CAMKK1: variants seen among roughly 807,000 people sequenced by gnomAD.
CAMKK1 encodes the protein calcium/calmodulin-dependent protein kinase kinase 1.
In CAMKK1, 20 loss-of-function variants were observed where a neutral mutation model predicts 63.5. The ratio of observed to expected loss-of-function variants is 0.32; its 90% confidence interval spans 0.22 to 0.46. The LOEUF is 0.46. Among genes scored for constraint, CAMKK1 ranks in the 20% least tolerant of loss-of-function variants. The pLI, the probability that CAMKK1 is intolerant of heterozygous loss-of-function variation, is 1.00. For missense variants in CAMKK1, 588 were observed against 658.1 expected, an observed-to-expected ratio of 0.89 and a Z score of 1.17; for synonymous variants, 253 against 269.0, an observed-to-expected ratio of 0.94 and a Z score of 0.58.
chr17:3,882,714 C>A lies in CAMKK1; in HGVS notation c.649-150G>T. The A allele has an allele frequency of 1.4e-5, 11 of 781,532 alleles. No individual in the cohort carries two copies. The highest frequency in any genetic ancestry group is 2.5e-5 in the Admixed American group (1 of 39,478). The allele number at this position is 781,532 out of a possible 1,614,324, so 48.4% of individuals were successfully genotyped here. A position where few individuals can be genotyped will look rare whatever the true frequency, so the allele number is the denominator to read the frequency against. On this transcript the variant is annotated intron_variant, in intron 6 of 15. Transcript: ENST00000348335. The surrounding 1 kb of genome is among the most constrained non-coding windows in gnomAD (Gnocchi z 4.3). ...CAGGAAGTGTACAGGTGGTGCCAGACTGATGGGGCCTCAGAAGTCACCGAC... is the reference window on the plus strand; with the variant it reads ...CAGGAAGTGTACAGGTGGTGCCAGAATGATGGGGCCTCAGAAGTCACCGAC...
In CAMKK1 at chr17:3,870,052, G is replaced by T. The variant is rs7216397; in HGVS notation, c.1125-164C>A. The stretch of plus-strand genomic sequence containing the variant: ...CTTGGAGAGCCTTTCCTGAGCAGGA[G>T]GTCAAGTCTCCCTCCAGGACAGAGG... On this transcript the variant is annotated intron_variant, in intron 12 of 15. Transcript: ENST00000348335. Among the ~76,000 whole-genome samples the T allele has an allele frequency of 5.0e-3, 762 of 152,318 alleles. 8 individuals carry two copies. The highest frequency in any genetic ancestry group is 0.017 in the African/African-American group (708 of 41,576).
chr17:3,869,674 T>C, intron 13 of CAMKK1, 59 bp from the exon 14 acceptor site: 1 of 1,612,730 alleles, frequency 6.2e-7, no homozygotes, highest in South Asian at 1.1e-5. Context: ...CAGAATCACC[T>C]GGAGGGGTCC....
At chr17:3,881,669 G>A in intron 7 of CAMKK1, 21 bp from the exon 8 acceptor site, 2 of 1,562,518 alleles carry the variant, frequency 1.3e-6, no homozygotes, top group East Asian at 2.4e-5. Flanking sequence ...AGACAAGAAG[G>A]TAAGGTGTAG....
At chr17:3,865,783 G>A (rs1258819900) in intron 15 of CAMKK1, 125 bp downstream of exon 15, 19 of 1,498,356 alleles carry the variant, frequency 1.3e-5, no homozygotes, top group Non-Finnish European at 1.4e-5. Flanking sequence ...GGCCAACACC[G>A]AGACCTGGCC....
chr17:3,881,830 A>C, intron 7 of CAMKK1, 182 bp from the exon 8 acceptor site: 1 of 619,126 alleles, frequency 1.6e-6, no homozygotes, highest in Non-Finnish European at 2.9e-6. Context: ...TCTGCTATGG[A>C]CCTGTCTCAT....
rs1289074652 is a variant in CAMKK1, at chr17:3,890,529, C to G, written c.-44+2410G>C. ...CAGATCCAACAGGCCCCAGATTCAA[C>G]TCAGCATCTTCCCCAAACCTGCTCG... On this transcript the variant is annotated intron_variant, in intron 1 of 15. Transcript: ENST00000348335. The surrounding 1 kb of genome is among the most constrained non-coding windows in gnomAD (Gnocchi z 6.5). Among the ~76,000 whole-genome samples, 1 of 152,168 alleles carries G rather than the reference C, an allele frequency of 6.6e-6. No individual in the cohort carries two copies. Among genetic ancestry groups the G allele is most frequent in the Non-Finnish European group, 1.5e-5 (1 of 68,032 alleles).
intron 10 of CAMKK1, 24 bp from the exon 11 acceptor site, chr17:3,873,486 A>G (rs1307583861): frequency 6.2e-7 from 1 of 1,613,396 alleles, no homozygotes; most frequent in African/African-American, 1.3e-5. Flanking sequence ...TGCTCACATC[A>G]GTCCCCAACA....
At chr17:3,871,566 C>A (rs1322019969) in intron 12 of CAMKK1, among the ~76,000 whole-genome samples, 2 of 149,664 alleles carry the variant, frequency 1.3e-5, no homozygotes, top group East Asian at 1.9e-4. Context: ...CCGTGTTAGC[C>A]AGGATGGTCT....
chr17:3,883,571 A>T lies in CAMKK1; in HGVS notation c.463-91T>A. On this transcript the variant is annotated intron_variant, in intron 4 of 15. Coordinates refer to ENST00000348335, the MANE Select transcript of CAMKK1 (RefSeq NM_032294.3). The surrounding 1 kb of genome is among the most constrained non-coding windows in gnomAD (Gnocchi z 4.7). ...TGTGGACTGAGGTCCGGAGAGGCAC[A>T]CTGGACATCTGCTACTGGCCCTGAG... 2 of 1,039,252 alleles carry T rather than the reference A, an allele frequency of 1.9e-6. No individual in the cohort carries two copies. Among genetic ancestry groups the T allele is most frequent in the Non-Finnish European group, 3.0e-6 (2 of 656,740 alleles). 64.4% of individuals were successfully genotyped at this position (1,039,252 alleles called of 1,614,324 possible).
intron 10 of CAMKK1, 33 bp from the exon 11 acceptor site, chr17:3,873,495 C>T (rs528392043): frequency 1.2e-6 from 2 of 1,611,580 alleles, no homozygotes; most frequent in African/African-American, 2.7e-5. Flanking sequence ...CAGTCCCCAA[C>T]AGGCACAGCC....
At chr17:3,871,406 G>C (rs1356980264) in intron 12 of CAMKK1, among the ~76,000 whole-genome samples, 1 of 134,214 alleles carries the variant, frequency 7.5e-6, no homozygotes, top group Admixed American at 8.2e-5. Context: ...CCAGGCTGGA[G>C]TGCAGTAGCA....
chr17:3,876,355 G>T lies in CAMKK1; in HGVS notation c.864C>A (p.His288Gln), dbSNP rs377491155. The stretch of plus-strand genomic sequence containing the variant: ...TGACGCCAAAGTCGGCGATCTTCAC[G>T]TGCCCATCATCCCCCAGGAGCAGGT... ...PSNLLLGDDG[H>Q]VKIADFGVSN... is the part of the protein sequence containing the mutation. The change falls in exon 10 of 16, where the codon CAC (histidine) becomes CAA (glutamine). Residue 288 changes from histidine to glutamine, a missense_variant. By Grantham distance (24) the His-to-Gln change is conservative (BLOSUM62 0). Coordinates refer to ENST00000348335, the MANE Select transcript of CAMKK1 (RefSeq NM_032294.3). 4.0e-5 allele frequency: 64 copies of T among 1,614,052 alleles called. No homozygotes were observed. Among genetic ancestry groups the T allele is most frequent in the African/African-American group, 2.7e-5 (2 of 74,914 alleles).
rs563397009 is a variant in CAMKK1 at position 3,862,195 on chromosome 17, G to A, written c.*16C>T. On this transcript the variant is annotated 3_prime_UTR_variant, in exon 16 of 16. Coordinates refer to ENST00000348335, the MANE Select transcript of CAMKK1 (RefSeq NM_032294.3). The surrounding 1 kb of genome is among the most constrained non-coding windows in gnomAD (Gnocchi z 4.1). ...GATGAGTGTGCTGCCGGGTGGCCCT[G>A]GGTGCATGCAGGGGCTCAGGATGCA... 91 of 1,573,526 alleles carry A rather than the reference G, an allele frequency of 5.8e-5. 2 individuals are homozygous for A. The South Asian group carries it at 9.6e-4, about 17-fold the overall frequency.
intron 9 of CAMKK1, among the ~76,000 whole-genome samples, chr17:3,876,779 A>T (rs2055182463): frequency 7.6e-6 from 1 of 131,282 alleles, no homozygotes; most frequent in Non-Finnish European, 1.6e-5. Flanking sequence ...TTTTTTTGAG[A>T]CAGAGTCTCA....
chr17:3,872,210 C>A (rs1205494733), intron 12 of CAMKK1, among the ~76,000 whole-genome samples: 1 of 152,230 alleles, frequency 6.6e-6, no homozygotes, highest in Non-Finnish European at 1.5e-5. Context: ...AGTTCCCTGA[C>A]CCTGAGTGGG....
intron 2 of CAMKK1, 81 bp downstream of exon 2, chr17:3,885,247 G>C (rs1567634812): frequency 7.0e-7 from 1 of 1,425,608 alleles, no homozygotes; most frequent in Non-Finnish European, 9.3e-7. Context: ...ATAGCCGTGT[G>C]GCACAGACAG....
rs2054310109 is a variant in CAMKK1, at chr17:3,860,719, C to T, written c.*1492G>A. On this transcript the variant is annotated 3_prime_UTR_variant, in exon 16 of 16. Transcript: ENST00000348335. ...CAATGGGGCACATTCGGCTCCTAGC[C>T]TTAAATAGACGTAGAAACTGTATTA... 6.6e-6 allele frequency: 1 copy of T among 152,232 alleles called. No homozygotes were observed. The highest frequency in any genetic ancestry group is 2.1e-4 in the South Asian group (1 of 4,834). The allele number at this position is 152,232 out of a possible 1,614,324, so 9.4% of individuals were successfully genotyped here.
intron 15 of CAMKK1, chr17:3,865,182 A>G: frequency 2.0e-6 from 2 of 985,688 alleles, no homozygotes; most frequent in Non-Finnish European, 1.2e-6. Flanking sequence ...GGCTTTTATT[A>G]TAGTGAAGAA....
chr17:3,882,901 T>C lies in CAMKK1; in HGVS notation c.648+141A>G, dbSNP rs576593601. On this transcript the variant is annotated intron_variant, in intron 6 of 15. Transcript: ENST00000348335. The surrounding 1 kb of genome is among the most constrained non-coding windows in gnomAD (Gnocchi z 4.3). ...AGCCTTCCTGCAGCCCCACCCCAAG[T>C]CTGGCCCTGTCCTCAGAGGCCTCAG... 6 of 1,117,184 alleles carry C rather than the reference T, an allele frequency of 5.4e-6. No homozygotes were observed. In the South Asian group the frequency reaches 9.1e-5, roughly 17 times the overall value. 69.2% of individuals were successfully genotyped at this position (1,117,184 alleles called of 1,614,324 possible). A position where few individuals can be genotyped will look rare whatever the true frequency, so the allele number is the denominator to read the frequency against.
Sources: allele counts gnomAD v4.1 joint callset (sites outside exome capture counted in the v4.1 genomes callset), GRCh38; gene constraint gnomAD v4.1.1; non-coding constraint Gnocchi (gnomAD v3.1); transcripts MANE v1.5; gene names NCBI Gene and HGNC (gene_info 2026-07-23, HGNC 2026-07-21).